Variants in GSE1 observed in about 807,000 individuals in gnomAD.
GSE1 encodes the protein Gse1 coiled-coil protein, also known as genetic suppressor element 1.
Under a neutral mutation model 112.6 loss-of-function variants are expected in GSE1, and 32 were observed. The ratio of observed to expected loss-of-function variants is 0.28; its 90% CI spans 0.21 to 0.38. The LOEUF is 0.38. Ranked by LOEUF, GSE1 falls within the 10% of genes least tolerant of loss-of-function variation. The pLI, the probability that GSE1 is intolerant of heterozygous loss-of-function variation, is 1.00. For synonymous variants in GSE1, 1,115 were observed against 735.6 expected, an observed-to-expected ratio of 1.52 and a Z score of -8.35; for missense variants, 2,348 against 1,699.2, an observed-to-expected ratio of 1.38 and a Z score of -6.71.
At chr16:85,618,314 C>T (rs1405195445) in intron 1 of GSE1, among the ~76,000 whole-genome samples, 1 of 152,170 alleles carries the variant, frequency 6.6e-6, no homozygotes, top group East Asian at 1.9e-4. Context: ...CAGAGGCCCT[C>T]TGGCAGTTGA....
At chr16:85,559,637 G>A (rs2045416629) in intron 1 of GSE1, among the ~76,000 whole-genome samples, 1 of 130,412 alleles carries the variant, frequency 7.7e-6, no homozygotes, top group African/African-American at 2.8e-5. Context: ...AGGCTGGGCA[G>A]TAGGTTTGAA....
intron 2 of GSE1, among the ~76,000 whole-genome samples, chr16:85,463,523 C>T (rs2050036906): frequency 6.6e-6 from 1 of 152,140 alleles, no homozygotes; most frequent in Non-Finnish European, 1.5e-5. Flanking sequence ...CAGGGCCCCT[C>T]GTGCCTGCAG....
intron 1 of GSE1, among the ~76,000 whole-genome samples, chr16:85,244,317 G>A (rs1237046765): frequency 2.0e-5 from 3 of 152,278 alleles, no homozygotes; most frequent in African/African-American, 4.8e-5. Context: ...GGGAGGGGCC[G>A]TGAGCCAAGG....
intron 2 of GSE1, among the ~76,000 whole-genome samples, chr16:85,379,500 T>C (rs1427361010): frequency 6.6e-6 from 1 of 152,130 alleles, no homozygotes; most frequent in Admixed American, 6.5e-5. Context: ...ACATAGTAGG[T>C]GCTTCCATGT....
At chr16:85,261,523 T>C (rs539423466) in intron 1 of GSE1, among the ~76,000 whole-genome samples, 1 of 152,342 alleles carries the variant, frequency 6.6e-6, no homozygotes, top group South Asian at 2.1e-4. Context: ...TGGTTCTGAC[T>C]GACAGGAGGC....
chr16:85,473,232 T>C (rs2050349894), intron 2 of GSE1, among the ~76,000 whole-genome samples: 1 of 152,244 alleles, frequency 6.6e-6, no homozygotes, highest in Non-Finnish European at 1.5e-5. Context: ...TACAGGTCCC[T>C]GGCCTGGGGA....
chr16:85,233,158 G>C (rs957226189), intron 1 of GSE1, among the ~76,000 whole-genome samples: 2 of 152,232 alleles, frequency 1.3e-5, no homozygotes, highest in African/African-American at 4.8e-5. Flanking sequence ...TCTCATCCCC[G>C]ACAGTCCCCC....
rs192872688 is a variant in GSE1 at position 85,241,421 on chromosome 16, T to G, written c.2283+69614T>G. Among the ~76,000 whole-genome samples, 557 of 152,330 alleles carry G rather than the reference T, an allele frequency of 3.7e-3. 4 individuals are homozygous for G. Among genetic ancestry groups the G allele is most frequent in the African/African-American group, 0.013 (531 of 41,566 alleles). ...TTTCCCAAGTGGGCATTGCATGGCT[T>G]CATGCTGGTAGCTTGCAGTCTGCTG... On this transcript the variant is annotated intron_variant, in intron 1 of 2. Transcript: ENST00000637419.
exon 1 of GSE1, chr16:85,169,581 C>T: frequency 1.0e-6 from 1 of 981,000 alleles, no homozygotes; most frequent in Non-Finnish European, 1.2e-6. Context: ...CAGCCGTGGG[C>T]GAGCGGGCTG....
intron 2 of GSE1, among the ~76,000 whole-genome samples, chr16:85,637,489 G>T (rs1280286449): frequency 6.6e-6 from 1 of 151,014 alleles, no homozygotes; most frequent in Admixed American, 6.6e-5. Flanking sequence ...CAGTGGCTAT[G>T]TATCGAGTCC....
chr16:85,605,192 C>T (rs1275246071), intron 1 of GSE1, among the ~76,000 whole-genome samples: 1 of 151,818 alleles, frequency 6.6e-6, no homozygotes, highest in Non-Finnish European at 1.5e-5. Flanking sequence ...GTCCTGCTCC[C>T]CTTGCCTAGT....
rs184186105 is a variant in GSE1, at chr16:85,316,969, G to C, written c.2284-40494G>C. ...TGGCACTTTTGGGGAACCCACCTCT[G>C]TTGGGGGTGGGCTGCTGAGCGAGTC... On this transcript the variant is annotated intron_variant, in intron 1 of 2. Transcript: ENST00000637419. 2.6e-5 allele frequency among the ~76,000 whole-genome samples: 4 copies of C among 152,332 alleles called. No homozygotes were observed. The East Asian group carries it at 7.7e-4, about 29-fold the overall frequency.
rs375087989 is a variant in GSE1 at position 85,426,164 on chromosome 16, T to A, written c.2464+68521T>A. On this transcript the variant is annotated intron_variant, in intron 2 of 2. Coordinates refer to the GSE1 transcript ENST00000637419. ...ATGGATGGATGAATGGATGGGTGGG[T>A]GGGGTGGATGGATGTATAGTGGATA... Among the ~76,000 whole-genome samples the A allele has an allele frequency of 1.1e-3, 152 of 144,100 alleles. 1 individual carries two copies. The highest frequency in any genetic ancestry group is 3.0e-3 in the African/African-American group (114 of 37,960). The allele number at this position is 144,100 out of a possible 152,430, so 94.5% of individuals were successfully genotyped here. A position where few individuals can be genotyped will look rare whatever the true frequency, so the allele number is the denominator to read the frequency against.
rs780950692 is a variant in GSE1 at position 85,666,199 on chromosome 16, C to T, written c.2982C>T (p.Gly994=). The change falls in exon 13 of 16, where the codon GGC becomes GGT. Residue 994 remains glycine (G), a synonymous_variant. Transcript: ENST00000253458. ...TGAGCATGCTTCACTATATCCGGGGCGCTGCACCCAAGGACATTCCTGTGC... is the reference window on the plus strand; with the variant it reads ...TGAGCATGCTTCACTATATCCGGGGTGCTGCACCCAAGGACATTCCTGTGC... ...KSLSMLHYIR[G]AAPKDIPVPL... is the part of the protein sequence containing the mutation. 22 of 1,613,468 alleles carry T rather than the reference C, an allele frequency of 1.4e-5. No individual in the cohort carries two copies. The Middle Eastern group carries it at 4.9e-4, about 36-fold the overall frequency.
intron 2 of GSE1, among the ~76,000 whole-genome samples, chr16:85,474,287 C>G (rs778848284): frequency 6.6e-6 from 1 of 152,110 alleles, no homozygotes; most frequent in Non-Finnish European, 1.5e-5. Flanking sequence ...GGCCCGTGCT[C>G]CAATGGGCTT....
intron 1 of GSE1, among the ~76,000 whole-genome samples, chr16:85,280,731 C>T (rs1052688585): frequency 6.6e-6 from 1 of 152,220 alleles, no homozygotes; most frequent in African/African-American, 2.4e-5. Flanking sequence ...GCCCCCACAC[C>T]ATCCCTGCCG....
intron 1 of GSE1, among the ~76,000 whole-genome samples, chr16:85,589,176 T>A (rs2046848955): frequency 6.6e-6 from 1 of 152,028 alleles, no homozygotes; most frequent in Non-Finnish European, 1.5e-5. Flanking sequence ...TAGCAGGAGC[T>A]GAAAGGAACG....
chr16:85,374,626 G>A (rs966219810), intron 2 of GSE1, among the ~76,000 whole-genome samples: 1 of 152,120 alleles, frequency 6.6e-6, no homozygotes, highest in East Asian at 1.9e-4. Flanking sequence ...CCATGGCCAG[G>A]CTGAGGGCAG....
At chr16:85,492,123 G>C (rs967742290) in intron 2 of GSE1, among the ~76,000 whole-genome samples, 1 of 152,266 alleles carries the variant, frequency 6.6e-6, no homozygotes, top group East Asian at 1.9e-4. Context: ...AGACAGGCTT[G>C]GCCGGAGCCT....
Sources: allele counts gnomAD v4.1 joint callset (sites outside exome capture counted in the v4.1 genomes callset), GRCh38; gene constraint gnomAD v4.1.1; transcripts MANE v1.5; gene names NCBI Gene and HGNC (gene_info 2026-07-23, HGNC 2026-07-21).